ATP13A4: variants seen among roughly 807,000 people sequenced by gnomAD.
The protein encoded by ATP13A4 is probable cation-transporting ATPase 13A4.
ATP13A4 carries 114 observed loss-of-function variants against 142.5 expected under a neutral mutation model. The ratio of observed to expected loss-of-function variants is 0.80; its 90% CI spans 0.69 to 0.93. The LOEUF is 0.93. ATP13A4 is among the 40% of genes least tolerant of loss of function. The probability of loss-of-function intolerance (pLI) is 0.00; values close to 1 mark genes in which losing one functional copy is unlikely to be tolerated. For synonymous variants in ATP13A4, 488 were observed against 514.8 expected, an observed-to-expected ratio of 0.95 and a Z score of 0.70; for missense variants, 1,392 against 1,454.0, an observed-to-expected ratio of 0.96 and a Z score of 0.69.
chr3:193,532,418 A>G (rs770885771), intron 1 of ATP13A4, among the ~76,000 whole-genome samples: 1 of 147,486 alleles, frequency 6.8e-6, no homozygotes, highest in East Asian at 2.0e-4. Flanking sequence ...ACTTACAGAT[A>G]ATAGGCCCCC....
chr3:193,552,419 C>T (rs754307095), intron 1 of ATP13A4, among the ~76,000 whole-genome samples: 16 of 152,226 alleles, frequency 1.1e-4, no homozygotes, highest in South Asian at 2.1e-4. Flanking sequence ...AGAGAAATTA[C>T]GTTTGCAAAG....
chr3:193,555,242 CA>C (rs1723840146), upstream of ATP13A4: 1 of 286,296 alleles, frequency 3.5e-6, no homozygotes, highest in African/African-American at 2.2e-5. Flanking sequence ...CTGCTTTATT[CA>C]GAGGACCTAA....
intron 2 of ATP13A4, among the ~76,000 whole-genome samples, chr3:193,574,439 C>T (rs1724351482): frequency 6.6e-6 from 1 of 152,220 alleles, no homozygotes; most frequent in Non-Finnish European, 1.5e-5. Context: ...TAGATCTCAG[C>T]CAGGCACAGT....
At chr3:193,545,182 A>G (rs908509523) in intron 1 of ATP13A4, among the ~76,000 whole-genome samples, 1 of 152,202 alleles carries the variant, frequency 6.6e-6, no homozygotes, top group African/African-American at 2.4e-5. Context: ...AGCATTTTTC[A>G]CAATATTATC....
chr3:193,417,403 G>T (rs1715120839), intron 25 of ATP13A4, among the ~76,000 whole-genome samples: 1 of 152,160 alleles, frequency 6.6e-6, no homozygotes, highest in Non-Finnish European at 1.5e-5. Flanking sequence ...AATGGAAAAA[G>T]ATGTAATTTG....
At chr3:193,515,868 C>T (rs1378034837) in intron 1 of ATP13A4, among the ~76,000 whole-genome samples, 3 of 152,186 alleles carry the variant, frequency 2.0e-5, no homozygotes, top group Non-Finnish European at 4.4e-5. Context: ...ATTCTCCAGA[C>T]CAAGACTCTT....
At chr3:193,520,844 G>A (rs1721677464) in intron 1 of ATP13A4, among the ~76,000 whole-genome samples, 2 of 152,178 alleles carry the variant, frequency 1.3e-5, no homozygotes, top group Non-Finnish European at 2.9e-5. Flanking sequence ...AAATGAACTG[G>A]CCACAGCTGG....
At chr3:193,434,059 T>A in intron 24 of ATP13A4, 142 bp from the exon 25 acceptor site, 1 of 738,158 alleles carries the variant, frequency 1.4e-6, no homozygotes, top group South Asian at 1.5e-5. Flanking sequence ...CCTGGTTGAG[T>A]TGGTGAGTGA....
intron 9 of ATP13A4, 70 bp from the exon 10 acceptor site, chr3:193,467,556 C>T (rs1219704505): frequency 6.0e-6 from 9 of 1,491,152 alleles, no homozygotes; most frequent in Admixed American, 3.3e-5. Flanking sequence ...CCTGCACCCA[C>T]TCATCATACA....
intron 1 of ATP13A4, among the ~76,000 whole-genome samples, chr3:193,529,367 T>C (rs1722194102): frequency 6.6e-6 from 1 of 151,950 alleles, no homozygotes; most frequent in South Asian, 2.1e-4. Flanking sequence ...TGTACATAAA[T>C]ATTTTATGTA....
rs1336323461 is a variant in ATP13A4 at position 193,493,174 on chromosome 3, G to A, written c.382-14C>T. On this transcript the variant is annotated splice_polypyrimidine_tract_variant and intron_variant, in intron 3 of 29. Coordinates refer to ENST00000342695, the MANE Select transcript of ATP13A4 (RefSeq NM_032279.4). ...GATGCATCTCACCTGCAAAAGAAAA[G>A]TACTAAGAAAACCTCTAGTTTGAGG... The A allele has an allele frequency of 6.2e-7, 1 of 1,609,590 alleles. No individual in the cohort carries two copies. Among genetic ancestry groups the A allele is most frequent in the Non-Finnish European group, 8.5e-7 (1 of 1,177,916 alleles).
intron 13 of ATP13A4, among the ~76,000 whole-genome samples, chr3:193,459,555 A>G (rs948646748): frequency 2.0e-5 from 3 of 152,118 alleles, no homozygotes; most frequent in Admixed American, 6.5e-5. Context: ...CTCCTGCCTC[A>G]GCCTCCTGAA....
Position 193,537,959 on chromosome 3 carries a change from G to A in ATP13A4, c.60+16781C>T, listed in dbSNP as rs149133325. ...TGGGGCTTACAGAGGAGATACAGGTGGGAAGGAAAGAGATGTAGCTATAAA... is the reference window on the plus strand; with the variant it reads ...TGGGGCTTACAGAGGAGATACAGGTAGGAAGGAAAGAGATGTAGCTATAAA... On this transcript the variant is annotated intron_variant, in intron 1 of 29. Coordinates refer to ENST00000342695, the MANE Select transcript of ATP13A4 (RefSeq NM_032279.4). 1.1e-3 allele frequency among the ~76,000 whole-genome samples: 167 copies of A among 152,214 alleles called. 1 individual carries two copies. In the East Asian group the frequency reaches 0.014, roughly 13 times the overall value.
chr3:193,492,673 T>G (rs1720008310), intron 5 of ATP13A4, among the ~76,000 whole-genome samples: 3 of 152,110 alleles, frequency 2.0e-5, no homozygotes, highest in South Asian at 4.1e-4. Flanking sequence ...ATGAAACCCC[T>G]CTGAGCCTCA....
intron 23 of ATP13A4, among the ~76,000 whole-genome samples, chr3:193,437,103 CA>C (rs1190025956): frequency 2.1e-3 from 135 of 62,818 alleles, no homozygotes; most frequent in Non-Finnish European, 2.3e-3. Context: ...GACTCCGTCT[CA>C]AAAAAAAAAA....
upstream of ATP13A4, among the ~76,000 whole-genome samples, chr3:193,558,825 T>C (rs967248558): frequency 1.3e-5 from 2 of 152,236 alleles, no homozygotes; most frequent in African/African-American, 4.8e-5. Context: ...GTTCATTCTC[T>C]GATTCTCTCC....
chr3:193,470,312 C>T (rs578178968), intron 9 of ATP13A4, among the ~76,000 whole-genome samples: 10 of 152,264 alleles, frequency 6.6e-5, no homozygotes, highest in African/African-American at 2.4e-4. Context: ...TCCAGCACTG[C>T]CATTTGAAAA....
At chr3:193,503,195 C>T (rs1560238081) in intron 2 of ATP13A4, among the ~76,000 whole-genome samples, 1 of 152,128 alleles carries the variant, frequency 6.6e-6, no homozygotes, top group East Asian at 1.9e-4. Flanking sequence ...CTGAGACCTG[C>T]TCAGTCAGAG....
chr3:193,429,648 A>G (rs1160204305), intron 25 of ATP13A4, among the ~76,000 whole-genome samples: 4 of 152,014 alleles, frequency 2.6e-5, no homozygotes, highest in African/African-American at 9.7e-5. Flanking sequence ...TATTGCTTTA[A>G]TGGATAGAGT....
Sources: allele counts gnomAD v4.1 joint callset (sites outside exome capture counted in the v4.1 genomes callset), GRCh38; gene constraint gnomAD v4.1.1; transcripts MANE v1.5; gene names NCBI Gene and HGNC (gene_info 2026-07-23, HGNC 2026-07-21).